SUGCT: variants seen among roughly 807,000 people sequenced by gnomAD.
SUGCT encodes the protein succinyl-CoA:glutarate CoA-transferase.
SUGCT carries 41 observed loss-of-function variants against 55.0 expected under a neutral mutation model. The observed-to-expected ratio is 0.74, with a 90% CI of 0.58 to 0.97. SUGCT has a LOEUF of 0.97. Ranked by LOEUF, SUGCT falls within the 50% of genes least tolerant of loss-of-function variation. The probability of loss-of-function intolerance (pLI) is 0.00; values close to 1 mark genes in which losing one functional copy is unlikely to be tolerated. For synonymous variants in SUGCT, 187 were observed against 200.4 expected (o/e 0.93, Z 0.56); for missense variants, 568 against 547.8 (o/e 1.04, Z -0.37).
At chr7:40,900,043 C>G in the SUGCT span, among the ~76,000 whole-genome samples, 1 of 152,144 alleles carries the variant, frequency 6.6e-6, no homozygotes, top group African/African-American at 2.4e-5. Context: ...GGACCCCCAC[C>G]TCCTTCATCC....
intron 12 of SUGCT, among the ~76,000 whole-genome samples, chr7:40,673,718 A>C (rs1164167113): frequency 6.6e-6 from 1 of 152,214 alleles, no homozygotes; most frequent in Non-Finnish European, 1.5e-5. Context: ...TCACTTAATA[A>C]ATATGAGGGG....
chr7:40,967,349 T>A, the SUGCT span: 1 of 152,308 alleles, frequency 6.6e-6, no homozygotes, highest in African/African-American at 2.4e-5. Flanking sequence ...AGTCACTAAG[T>A]TCATGTGTAA....
chr7:40,575,607 A>T (rs1174095989), intron 12 of SUGCT, among the ~76,000 whole-genome samples: 1 of 151,536 alleles, frequency 6.6e-6, no homozygotes, highest in Non-Finnish European at 1.5e-5. Context: ...AAAAAAAAAA[A>T]GCTAAAAATG....
At chr7:40,575,792 A>G (rs1361574010) in intron 12 of SUGCT, among the ~76,000 whole-genome samples, 1 of 152,036 alleles carries the variant, frequency 6.6e-6, no homozygotes, top group Non-Finnish European at 1.5e-5. Flanking sequence ...CTCAAAATAC[A>G]GAATTAGCCG....
chr7:41,038,658 C>T, the SUGCT span, among the ~76,000 whole-genome samples: 2 of 152,148 alleles, frequency 1.3e-5, no homozygotes, highest in Non-Finnish European at 2.9e-5. Context: ...TTGAACTCCC[C>T]ATAAGCTGGC....
intron 7 of SUGCT, among the ~76,000 whole-genome samples, chr7:40,260,360 C>G (rs1213081489): frequency 6.6e-6 from 1 of 152,028 alleles, no homozygotes; most frequent in Non-Finnish European, 1.5e-5. Context: ...AGAGTTGGTG[C>G]TTATTATTTG....
intron 11 of SUGCT, among the ~76,000 whole-genome samples, chr7:40,465,880 T>A (rs1009450345): frequency 6.6e-6 from 1 of 151,912 alleles, no homozygotes; most frequent in Non-Finnish European, 1.5e-5. Flanking sequence ...TCAAAAAAAA[T>A]AAATAAATAT....
intron 9 of SUGCT, among the ~76,000 whole-genome samples, chr7:40,426,299 C>T (rs772319227): frequency 3.3e-5 from 5 of 152,086 alleles, no homozygotes; most frequent in Non-Finnish European, 5.9e-5. Flanking sequence ...GATTATAGCA[C>T]GGAGACTGTT....
chr7:40,849,928 A>G (rs1466200504), intron 13 of SUGCT, among the ~76,000 whole-genome samples: 4 of 152,096 alleles, frequency 2.6e-5, no homozygotes, highest in African/African-American at 9.7e-5. Context: ...GGCATGAGAA[A>G]TTGGCATGTA....
At chr7:40,358,732 TAAC>T (rs60456660) in intron 9 of SUGCT, among the ~76,000 whole-genome samples, 14 of 149,328 alleles carry the variant, frequency 9.4e-5, no homozygotes, top group East Asian at 5.9e-4. Flanking sequence ...ACAACAACAA[TAAC>T]AACAACAACA....
the SUGCT span, among the ~76,000 whole-genome samples, chr7:40,974,982 T>C: frequency 6.6e-6 from 1 of 152,196 alleles, no homozygotes; most frequent in African/African-American, 2.4e-5. Context: ...TAAATCTTAA[T>C]TACCAGAATA....
intron 12 of SUGCT, chr7:40,499,241 G>A (rs932168370): frequency 2.0e-4 from 72 of 368,234 alleles, no homozygotes; most frequent in Admixed American, 4.0e-4. Flanking sequence ...AGTGAAAAGG[G>A]GTATGTCTAA....
intron 1 of SUGCT, among the ~76,000 whole-genome samples, chr7:40,177,524 T>A (rs1784987126): frequency 1.3e-5 from 2 of 152,218 alleles, no homozygotes; most frequent in Admixed American, 6.5e-5. Flanking sequence ...TTTGAAATAG[T>A]ACAATTATTA....
At chr7:40,909,421 G>A in the SUGCT span, among the ~76,000 whole-genome samples, 1 of 152,162 alleles carries the variant, frequency 6.6e-6, no homozygotes, top group Non-Finnish European at 1.5e-5. Context: ...CTAGGCTCCT[G>A]CTCATGGGCT....
intron 11 of SUGCT, among the ~76,000 whole-genome samples, chr7:40,479,659 C>G (rs1316177919): frequency 6.6e-6 from 1 of 152,110 alleles, no homozygotes; most frequent in African/African-American, 2.4e-5. Flanking sequence ...GAGAAGAGTT[C>G]CCTTTTCTCT....
At chr7:40,276,498 G>A (rs1420186881) in intron 8 of SUGCT, among the ~76,000 whole-genome samples, 1 of 152,168 alleles carries the variant, frequency 6.6e-6, no homozygotes, top group African/African-American at 2.4e-5. Flanking sequence ...ATTTACACCA[G>A]TACTCACAAA....
intron 12 of SUGCT, among the ~76,000 whole-genome samples, chr7:40,701,832 GGAA>G (rs1373472917): frequency 6.6e-6 from 1 of 152,194 alleles, no homozygotes; most frequent in Non-Finnish European, 1.5e-5. Context: ...ACTGAGTTGG[GGAA>G]GAAGTTCTTA....
chr7:40,854,641 G>T (rs2128803943), intron 13 of SUGCT, among the ~76,000 whole-genome samples: 1 of 152,094 alleles, frequency 6.6e-6, no homozygotes, highest in East Asian at 1.9e-4. Flanking sequence ...AGGTTTAACA[G>T]TATGTCCCTT....
At chr7:40,571,800 A>T (rs1796465335) in intron 12 of SUGCT, among the ~76,000 whole-genome samples, 1 of 152,186 alleles carries the variant, frequency 6.6e-6, no homozygotes, top group Admixed American at 6.5e-5. Context: ...GGTATTCTTA[A>T]ATTCTTTGGG....
Sources: gnomAD v4.1 joint callset for allele counts (sites outside exome capture counted in the v4.1 genomes callset) on GRCh38, gnomAD v4.1.1 for gene constraint, MANE v1.5 for transcripts, NCBI Gene and HGNC (gene_info 2026-07-23, HGNC 2026-07-21) for gene names.